The following DICER1 variants were observed in gnomAD, a reference collection of about 807,000 sequenced individuals.
The protein encoded by DICER1 is dicer 1, ribonuclease III.
DICER1 carries 43 observed loss-of-function variants against 194.1 expected under a neutral mutation model. The observed-to-expected ratio is 0.22, with a 90% CI of 0.17 to 0.29. DICER1 has a LOEUF of 0.29. Among genes scored for constraint, DICER1 ranks in the 10% least tolerant of loss-of-function variants. DICER1 has a pLI of 1.00. For synonymous variants in DICER1, 832 were observed against 820.5 expected (o/e 1.01, Z -0.24); for missense variants, 1,608 against 2,317.0 (o/e 0.69, Z 6.28).
intron 1 of DICER1, among the ~76,000 whole-genome samples, chr14:95,147,921 G>A (rs372851660): frequency 2.4e-4 from 36 of 152,360 alleles, no homozygotes; most frequent in East Asian, 1.5e-3. Context: ...ATTACAGGCT[G>A]GGTGCAGTGG....
chr14:95,119,182 C>T (rs1325050518), intron 8 of DICER1, among the ~76,000 whole-genome samples: 1 of 152,014 alleles, frequency 6.6e-6, no homozygotes, highest in Non-Finnish European at 1.5e-5. Flanking sequence ...TTTTAACTTA[C>T]TGTTAATTAG....
chr14:95,117,340 T>C (rs1458544656), intron 9 of DICER1, among the ~76,000 whole-genome samples: 1 of 152,208 alleles, frequency 6.6e-6, no homozygotes, highest in African/African-American at 2.4e-5. Context: ...TGTCTTTCCA[T>C]GAAATGCAGT....
At chr14:95,116,367 T>G in intron 10 of DICER1, 86 bp downstream of exon 10, 2 of 1,493,480 alleles carry the variant, frequency 1.3e-6, no homozygotes, top group South Asian at 1.2e-5. Flanking sequence ...ACTCATTATC[T>G]GTTCCTATGG....
intron 1 of DICER1, among the ~76,000 whole-genome samples, chr14:95,151,496 T>G (rs1458589765): frequency 6.6e-6 from 1 of 152,170 alleles, no homozygotes; most frequent in Non-Finnish European, 1.5e-5. Context: ...AGAAACTCCT[T>G]TTTTTTCTCA....
At chr14:95,130,459 G>A (rs1893859183) in intron 4 of DICER1, among the ~76,000 whole-genome samples, 1 of 152,206 alleles carries the variant, frequency 6.6e-6, no homozygotes, top group South Asian at 2.1e-4. Flanking sequence ...CAGGTTCTTA[G>A]ATCCCCACAG....
Position 95,091,214 on chromosome 14 carries a change from C to T in DICER1, c.5516G>A (p.Arg1839Gln), listed in dbSNP as rs587778233. 171 of 1,613,922 alleles carry T rather than the reference C, an allele frequency of 1.1e-4. No homozygotes were observed. Among genetic ancestry groups the T allele is most frequent in the Non-Finnish European group, 1.4e-4 (167 of 1,180,020 alleles). The stretch of plus-strand genomic sequence containing the variant: ...GGAGCCAACAATACCTATTAGTGGC[C>T]GCATCATGGGATAGTACACCTGCCA... ...TVWQVYYPMM[R>Q]PLIEKFSANV... is the part of the protein sequence containing the mutation. Residue 1839 changes from arginine (R) to glutamine (Q), a missense_variant, in exon 25 of 27, where the codon CGG becomes CAG. Physicochemically the swap from Arg to Gln is conservative, Grantham distance 43 (BLOSUM62 1). Transcript: ENST00000343455.
At position 95,088,559 on chromosome 14, in the gene DICER1, T is replaced by C. The variant is rs900739132; in HGVS notation, c.*1939A>G. On this transcript the variant is annotated 3_prime_UTR_variant, in exon 27 of 27. Coordinates refer to ENST00000343455, the MANE Select transcript of DICER1 (RefSeq NM_177438.3). ...TTGTTTTAACTGGTCATATCTTACA[T>C]TAAGGTTTTTTAAAAAATCAAATAG... The C allele has an allele frequency of 4.3e-6, 1 of 232,040 alleles. No homozygotes were observed. Among genetic ancestry groups the C allele is most frequent in the Non-Finnish European group, 8.5e-6 (1 of 117,304 alleles). The allele number at this position is 232,040 out of a possible 1,614,324, so 14.4% of individuals were successfully genotyped here. A position where few individuals can be genotyped will look rare whatever the true frequency, so the allele number is the denominator to read the frequency against.
intron 17 of DICER1, among the ~76,000 whole-genome samples, chr14:95,106,996 C>T (rs1044038192): frequency 7.2e-5 from 11 of 152,208 alleles, no homozygotes; most frequent in African/African-American, 2.6e-4. Flanking sequence ...ATTTTTTAAG[C>T]AAGTATACTG....
At chr14:95,090,964 A>G (rs917202077) in intron 26 of DICER1, 70 bp downstream of exon 26, 7 of 1,407,974 alleles carry the variant, frequency 5.0e-6, no homozygotes, top group African/African-American at 1.4e-5. Context: ...TTAGTTTACA[A>G]TATCTTTGTG....
intron 6 of DICER1, among the ~76,000 whole-genome samples, chr14:95,127,618 A>T (rs1041320717): frequency 6.6e-6 from 1 of 152,180 alleles, no homozygotes; most frequent in African/African-American, 2.4e-5. Flanking sequence ...AGTTCATCAC[A>T]AGGTCAGATA....
In DICER1 at chr14:95,095,829, G is replaced by A. The variant is rs753251774; in HGVS notation, c.5091C>T (p.Ile1697=). 1.1e-5 allele frequency: 17 copies of A among 1,614,054 alleles called. No homozygotes were observed. The highest frequency in any genetic ancestry group is 1.4e-5 in the Non-Finnish European group (16 of 1,179,978). The change falls in exon 23 of 27, where the codon ATC becomes ATT. Residue 1697 remains isoleucine, a synonymous_variant. Coordinates refer to ENST00000343455, the MANE Select transcript of DICER1 (RefSeq NM_177438.3). Reference sequence around the variant, plus strand: ...GTCTGGTCGTGGGCTCCTTACCAGTGATAGTATTGTAGTGGTAGGAGGCAT... The same window carrying A: ...GTCTGGTCGTGGGCTCCTTACCAGTAATAGTATTGTAGTGGTAGGAGGCAT... ...FTHASYHYNT[I]TDCYQRLEFL... is the part of the protein sequence containing the mutation.
At chr14:95,107,103 G>A (rs963293635) in intron 17 of DICER1, among the ~76,000 whole-genome samples, 8 of 152,064 alleles carry the variant, frequency 5.3e-5, no homozygotes, top group African/African-American at 1.9e-4. Flanking sequence ...GCACAGCCTA[G>A]AAATCCTGGG....
intron 1 of DICER1, among the ~76,000 whole-genome samples, chr14:95,156,278 T>C (rs1047096109): frequency 1.3e-5 from 2 of 152,224 alleles, no homozygotes; most frequent in Non-Finnish European, 2.9e-5. Context: ...GACAGAAGCA[T>C]AGGCGTCCAA....
intron 1 of DICER1, among the ~76,000 whole-genome samples, chr14:95,153,216 CAA>C (rs201007123): frequency 9.0e-5 from 10 of 111,670 alleles, no homozygotes; most frequent in Admixed American, 9.1e-5. Context: ...GACTCCGTCT[CAA>C]AAAAAAAAAA....
chr14:95,137,353 A>G (rs1279948022), intron 1 of DICER1, among the ~76,000 whole-genome samples: 10 of 130,066 alleles, frequency 7.7e-5, no homozygotes, highest in African/African-American at 3.1e-4. Context: ...GGGAAGGGAA[A>G]GAGGAAGGAA....
rs1889602315 is a variant in DICER1 at position 95,089,471 on chromosome 14, GGT to G, written c.*1025_*1026del. ...ATTATAAAATCTGCAGCATATTTTA[GGT>G]GTGATATGTCTAAGGTTTATTTTGT... On this transcript the variant is annotated 3_prime_UTR_variant, in exon 27 of 27. Coordinates refer to ENST00000343455, the MANE Select transcript of DICER1 (RefSeq NM_177438.3). 4.3e-6 allele frequency: 1 copy of G among 232,354 alleles called. No individual in the cohort carries two copies. The highest frequency in any genetic ancestry group is 6.1e-5 in the East Asian group (1 of 16,416). The allele number at this position is 232,354 out of a possible 1,614,324, so 14.4% of individuals were successfully genotyped here.
In DICER1 at chr14:95,157,348, G is replaced by A. The variant is rs547495405; in HGVS notation, c.-164C>T. The A allele has an allele frequency of 5.5e-3, 858 of 155,314 alleles. 8 individuals carry two copies. Among genetic ancestry groups the A allele is most frequent in the African/African-American group, 0.02 (816 of 41,490 alleles). 9.6% of individuals were successfully genotyped at this position (155,314 alleles called of 1,614,324 possible). A position where few individuals can be genotyped will look rare whatever the true frequency, so the allele number is the denominator to read the frequency against. On this transcript the variant is annotated 5_prime_UTR_variant, in exon 1 of 27. Transcript: ENST00000343455. ...GCCGCCCCCGCCGCCATTTCCTCGC[G>A]CTCGCCGTCGCCTCGTCCCCGCTGT...
At chr14:95,153,076 G>T (rs1895616240) in intron 1 of DICER1, among the ~76,000 whole-genome samples, 1 of 152,122 alleles carries the variant, frequency 6.6e-6, no homozygotes, top group Non-Finnish European at 1.5e-5. Flanking sequence ...AATTAGCAGG[G>T]TGTGGTGGCG....
intron 22 of DICER1, among the ~76,000 whole-genome samples, 177 bp from the exon 23 acceptor site, chr14:95,096,890 A>G (rs1890404884): frequency 6.6e-6 from 1 of 152,262 alleles, no homozygotes. Flanking sequence ...TTATTTAATC[A>G]TATAAACAAA....
Sources: gnomAD v4.1 joint callset for allele counts (sites outside exome capture counted in the v4.1 genomes callset) on GRCh38, gnomAD v4.1.1 for gene constraint, MANE v1.5 for transcripts, NCBI Gene and HGNC (gene_info 2026-07-23, HGNC 2026-07-21) for gene names.